The following UNC5D variants were observed in gnomAD, a reference collection of about 807,000 sequenced individuals.
The protein encoded by UNC5D is unc-5 netrin receptor D.
A neutral mutation model predicts 105.4 loss-of-function variants in UNC5D; 39 were observed. That is an observed-to-expected ratio of 0.37 (90% CI 0.29 to 0.48). The LOEUF (loss-of-function observed/expected upper bound fraction) is 0.48. UNC5D is among the 20% of genes least tolerant of loss of function. The pLI is 0.98. For missense variants in UNC5D, 991 were observed against 1,202.4 expected, an observed-to-expected ratio of 0.82 and a Z score of 2.60; for synonymous variants, 452 against 450.4, an observed-to-expected ratio of 1.00 and a Z score of -0.04.
chr8:35,335,924 C>T (rs912408155), intron 1 of UNC5D, among the ~76,000 whole-genome samples: 3 of 151,700 alleles, frequency 2.0e-5, no homozygotes, highest in East Asian at 1.9e-4. Flanking sequence ...CCACCACGCC[C>T]GGATAATTTT....
At chr8:35,265,650 C>A (rs1804808766) in intron 1 of UNC5D, among the ~76,000 whole-genome samples, 1 of 152,072 alleles carries the variant, frequency 6.6e-6, no homozygotes, top group African/African-American at 2.4e-5. Context: ...GTGGGCGGAT[C>A]ACCAGGTCAG....
chr8:35,380,954 C>A (rs1201288273), intron 1 of UNC5D, among the ~76,000 whole-genome samples: 1 of 150,784 alleles, frequency 6.6e-6, no homozygotes, highest in Non-Finnish European at 1.5e-5. Context: ...ACCTTCTAAT[C>A]ACTGAATAAT....
At chr8:35,529,267 G>A (rs1362800105) in intron 1 of UNC5D, among the ~76,000 whole-genome samples, 1 of 85,254 alleles carries the variant, frequency 1.2e-5, no homozygotes, top group Non-Finnish European at 2.0e-5. Context: ...TTCTACATAT[G>A]GCTAGCCAGT....
chr8:35,506,084 T>C (rs1432051549), intron 1 of UNC5D, among the ~76,000 whole-genome samples: 1 of 152,230 alleles, frequency 6.6e-6, no homozygotes, highest in Non-Finnish European at 1.5e-5. Context: ...ATCTAGACGA[T>C]ATTTATTATT....
chr8:35,314,948 A>T (rs1809177703), intron 1 of UNC5D, among the ~76,000 whole-genome samples: 1 of 152,166 alleles, frequency 6.6e-6, no homozygotes, highest in Non-Finnish European at 1.5e-5. Flanking sequence ...AAGAAGGTAT[A>T]GTTAAGCTAA....
chr8:35,599,751 T>G (rs935266117), intron 4 of UNC5D, among the ~76,000 whole-genome samples: 3 of 152,208 alleles, frequency 2.0e-5, no homozygotes, highest in African/African-American at 7.2e-5. Context: ...AAATATAAAT[T>G]TATTAACTCA....
intron 16 of UNC5D, among the ~76,000 whole-genome samples, chr8:35,789,163 ATATATAT>A (rs1802900554): frequency 1.1e-5 from 1 of 94,248 alleles, no homozygotes; most frequent in South Asian, 3.6e-4. Flanking sequence ...ATATATATAT[ATATATAT>A]ATATATATAT....
At chr8:35,258,581 A>G (rs1224770562) in intron 1 of UNC5D, among the ~76,000 whole-genome samples, 1 of 152,134 alleles carries the variant, frequency 6.6e-6, no homozygotes, top group Non-Finnish European at 1.5e-5. Flanking sequence ...TGTTGTGAGG[A>G]TTAAGCAAAT....
At chr8:35,472,783 A>C (rs1809826112) in intron 1 of UNC5D, among the ~76,000 whole-genome samples, 2 of 152,318 alleles carry the variant, frequency 1.3e-5, no homozygotes, top group South Asian at 4.1e-4. Flanking sequence ...TAAAGAATGC[A>C]AGCTTCTCAC....
chr8:35,692,471 C>A (rs1026957547), intron 7 of UNC5D, among the ~76,000 whole-genome samples: 1 of 152,206 alleles, frequency 6.6e-6, no homozygotes, highest in Non-Finnish European at 1.5e-5. Flanking sequence ...TAGCTCTACA[C>A]ATTTAAAACA....
At chr8:35,305,782 C>CTCTT (rs985722060) in intron 1 of UNC5D, among the ~76,000 whole-genome samples, 8 of 145,552 alleles carry the variant, frequency 5.5e-5, no homozygotes, top group Non-Finnish European at 1.1e-4. Flanking sequence ...CACTCTCTGC[C>CTCTT]TCTTTCTTTC....
In UNC5D at chr8:35,662,236, A is replaced by G. The variant is rs11992399; in HGVS notation, c.571-21311A>G. Among the ~76,000 whole-genome samples, 946 of 151,784 alleles carry G rather than the reference A, an allele frequency of 6.2e-3. 8 individuals carry two copies. Among genetic ancestry groups the G allele is most frequent in the African/African-American group, 0.02 (845 of 41,302 alleles). The stretch of plus-strand genomic sequence containing the variant: ...GTAGTGGTTTAGACTGATTTAAGTG[A>G]AATCTGGTTCTGTGATAAGACATGG... On this transcript the variant is annotated intron_variant, in intron 4 of 16. Coordinates refer to ENST00000404895, the MANE Select transcript of UNC5D (RefSeq NM_080872.4).
chr8:35,536,888 C>G (rs529431264), intron 1 of UNC5D, among the ~76,000 whole-genome samples: 10 of 151,936 alleles, frequency 6.6e-5, no homozygotes, highest in South Asian at 2.1e-4. Flanking sequence ...CCCAGCTACT[C>G]GGGAGGCTGA....
At chr8:35,383,899 C>T (rs753638607) in intron 1 of UNC5D, among the ~76,000 whole-genome samples, 3 of 151,984 alleles carry the variant, frequency 2.0e-5, no homozygotes, top group Non-Finnish European at 4.4e-5. Context: ...GGTGACATAA[C>T]AAGACCCTGT....
At chr8:35,365,259 T>C (rs1802048841) in intron 1 of UNC5D, among the ~76,000 whole-genome samples, 1 of 152,202 alleles carries the variant, frequency 6.6e-6, no homozygotes, top group East Asian at 1.9e-4. Context: ...CTGTGTTTCA[T>C]TTTGCACAAC....
chr8:35,277,277 T>C (rs1805839666), intron 1 of UNC5D, among the ~76,000 whole-genome samples: 1 of 152,226 alleles, frequency 6.6e-6, no homozygotes, highest in African/African-American at 2.4e-5. Context: ...TGTAAATTAA[T>C]AAATTAGCAT....
At chr8:35,716,541 C>T (rs965641087) in intron 8 of UNC5D, among the ~76,000 whole-genome samples, 5 of 152,284 alleles carry the variant, frequency 3.3e-5, no homozygotes, top group African/African-American at 9.6e-5. Flanking sequence ...TCTCTCACCT[C>T]AGTTTACACA....
chr8:35,597,987 C>T (rs534182128), intron 4 of UNC5D, among the ~76,000 whole-genome samples: 2 of 152,206 alleles, frequency 1.3e-5, no homozygotes, highest in Admixed American at 1.3e-4. Context: ...TTCAATCTCT[C>T]TCAGATGCAC....
At chr8:35,392,336 C>A (rs778322010) in intron 1 of UNC5D, among the ~76,000 whole-genome samples, 5 of 152,156 alleles carry the variant, frequency 3.3e-5, no homozygotes, top group Admixed American at 6.5e-5. Context: ...CTCGGCCTCT[C>A]CAGTGGCTGG....
Sources: gnomAD v4.1 joint callset for allele counts (sites outside exome capture counted in the v4.1 genomes callset) on GRCh38, gnomAD v4.1.1 for gene constraint, MANE v1.5 for transcripts, NCBI Gene and HGNC (gene_info 2026-07-23, HGNC 2026-07-21) for gene names.